Variants in AOC1 observed in about 807,000 individuals in gnomAD.
AOC1 encodes amine oxidase copper containing 1.
Under a neutral mutation model 57.1 loss-of-function variants are expected in AOC1, and 58 were observed. The ratio of observed to expected loss-of-function variants is 1.02; its 90% CI spans 0.82 to 1.26. The LOEUF is 1.26. Among genes scored for constraint, AOC1 ranks in the 50% most tolerant of loss-of-function variants. AOC1 has a pLI of 0.00. For synonymous variants in AOC1, 401 were observed against 423.4 expected (o/e 0.95, Z 0.65); for missense variants, 917 against 1,005.3 (o/e 0.91, Z 1.19).
intron 1 of AOC1, among the ~76,000 whole-genome samples, chr7:150,853,359 T>C (rs1277617005): frequency 6.6e-6 from 1 of 152,010 alleles, no homozygotes; most frequent in Non-Finnish European, 1.5e-5. Context: ...GGGCTGTGAG[T>C]ATACAGAAAC....
At chr7:150,854,426 A>G (rs1799713881) in intron 1 of AOC1, among the ~76,000 whole-genome samples, 1 of 152,236 alleles carries the variant, frequency 6.6e-6, no homozygotes, top group Non-Finnish European at 1.5e-5. Flanking sequence ...TCATTTGTCT[A>G]TGAATCAAGA....
chr7:150,855,861 C>CCTCAA (rs1348522696), intron 1 of AOC1, among the ~76,000 whole-genome samples: 1 of 151,404 alleles, frequency 6.6e-6, no homozygotes, highest in Non-Finnish European at 1.5e-5. Context: ...GCACTGTTGT[C>CCTCAA]ATTATTTTCA....
In AOC1 at chr7:150,852,877, G is replaced by A. The variant is rs1799661964; in HGVS notation, c.-17+319G>A. On this transcript the variant is annotated intron_variant, in intron 1 of 4. Coordinates refer to ENST00000360937, the MANE Select transcript of AOC1 (RefSeq NM_001091.4). This position sits in a 1 kb window ranked among gnomAD's most constrained non-coding sequence, Gnocchi z 4.6. ...ACATGGGGACAGAGGTTTGTCCTGG[G>A]GAAAGCAAAGGTCTCTTCCACATCT... 6.6e-6 allele frequency among the ~76,000 whole-genome samples: 1 copy of A among 152,124 alleles called. No individual in the cohort carries two copies. Among genetic ancestry groups the A allele is most frequent in the African/African-American group, 2.4e-5 (1 of 41,414 alleles).
At chr7:150,855,092 A>G (rs1436918893) in intron 1 of AOC1, among the ~76,000 whole-genome samples, 2 of 152,176 alleles carry the variant, frequency 1.3e-5, no homozygotes, top group Non-Finnish European at 2.9e-5. Flanking sequence ...CACCTTATAA[A>G]TCAAGTGTCT....
chr7:150,860,532 T>C lies in AOC1; in HGVS notation c.1888T>C (p.Ser630Pro). ...CCTGGCAGTGACCAAGTACCGGGAGTCGGAGCTGTGCAGCAGCAGCATCTA... is the reference window on the plus strand; with the variant it reads ...CCTGGCAGTGACCAAGTACCGGGAGCCGGAGCTGTGCAGCAGCAGCATCTA... Reference protein sequence around the residue: ...YPLAVTKYRESELCSSSIYHQ... With the variant: ...YPLAVTKYREPELCSSSIYHQ... Residue 630 changes from serine to proline, a missense_variant, in exon 4 of 5, where the codon TCG becomes CCG. Physicochemically the swap from Ser to Pro is moderately conservative, Grantham distance 74. Coordinates refer to ENST00000360937, the MANE Select transcript of AOC1 (RefSeq NM_001091.4). The C allele has an allele frequency of 6.2e-7, 1 of 1,613,682 alleles. No homozygotes were observed. The highest frequency in any genetic ancestry group is 8.5e-7 in the Non-Finnish European group (1 of 1,179,854).
intron 1 of AOC1, chr7:150,853,887 T>C (rs534777325): frequency 2.0e-5 from 3 of 151,716 alleles, no homozygotes; most frequent in Non-Finnish European, 2.9e-5. Context: ...CCGGGCATGG[T>C]GGTGCACACC....
intron 1 of AOC1, among the ~76,000 whole-genome samples, chr7:150,853,203 C>T (rs752654050): frequency 3.3e-5 from 5 of 152,110 alleles, no homozygotes; most frequent in East Asian, 1.9e-4. Flanking sequence ...TGTCATTGTC[C>T]GTTTGTCCAA....
In AOC1 at chr7:150,856,496, C is replaced by G; in HGVS notation, c.26C>G (p.Ala9Gly). Residue 9 changes from alanine to glycine, a missense_variant, in exon 2 of 5, where the codon GCT becomes GGT. Physicochemically the swap from Ala to Gly is moderately conservative, Grantham distance 60. Transcript: ENST00000360937. The surrounding 1 kb of genome is among the most constrained non-coding windows in gnomAD (Gnocchi z 5.2). MPALGWAV[A>G]AILMLQTAMA... ...ATGCCGGCCCTGGGCTGGGCCGTGGCTGCCATCCTGATGCTGCAGACGGCC... is the reference window on the plus strand; with the variant it reads ...ATGCCGGCCCTGGGCTGGGCCGTGGGTGCCATCCTGATGCTGCAGACGGCC... 8 of 1,613,768 alleles carry G rather than the reference C, an allele frequency of 5.0e-6. No homozygotes were observed. Among genetic ancestry groups the G allele is most frequent in the Non-Finnish European group, 6.8e-6 (8 of 1,179,866 alleles).
rs1330106313 is a variant in AOC1, at chr7:150,856,771, A to G, written c.301A>G (p.Ile101Val). 27 of 1,614,132 alleles carry G rather than the reference A, an allele frequency of 1.7e-5. No individual in the cohort carries two copies. The highest frequency in any genetic ancestry group is 1.9e-5 in the Non-Finnish European group (22 of 1,179,986). The change falls in exon 2 of 5, where the codon ATC (isoleucine) becomes GTC (valine). Residue 101 changes from isoleucine (I) to valine (V), a missense_variant. By Grantham distance (29) the Ile-to-Val change is conservative (BLOSUM62 3). Transcript: ENST00000360937. This position sits in a 1 kb window ranked among gnomAD's most constrained non-coding sequence, Gnocchi z 5.2. ...TCCTGTGCGGGAAGCCCGTGCCGTC[A>G]TCTTCTTTGGTGACCAGGAGCATCC... ...RHPVREARAV[I>V]FFGDQEHPNV...
rs1799950529 is a variant in AOC1 at position 150,860,931 on chromosome 7, T to A, written c.1990-12T>A. ...CAGCCCTGCCCACTGAAGCCCACCCTGTCTCCTGCAGGACCTGGTGGCCTG... is the reference window on the plus strand; with the variant it reads ...CAGCCCTGCCCACTGAAGCCCACCCAGTCTCCTGCAGGACCTGGTGGCCTG... On this transcript the variant is annotated splice_polypyrimidine_tract_variant and intron_variant, in intron 4 of 4. Coordinates refer to ENST00000360937, the MANE Select transcript of AOC1 (RefSeq NM_001091.4). The A allele has an allele frequency of 6.2e-7, 1 of 1,607,582 alleles. No individual in the cohort carries two copies. The highest frequency in any genetic ancestry group is 8.5e-7 in the Non-Finnish European group (1 of 1,177,630).
rs746231288 is a variant in AOC1, at chr7:150,856,458, C to G, written c.-13C>G. 1 of 1,607,282 alleles carries G rather than the reference C, an allele frequency of 6.2e-7. No individual in the cohort carries two copies. The highest frequency in any genetic ancestry group is 8.5e-7 in the Non-Finnish European group (1 of 1,177,414). ...CATCTCCTCTATTGCATTCCAGAGC[C>G]GTGGAGCGAGAGATGCCGGCCCTGG... On this transcript the variant is annotated 5_prime_UTR_variant, in exon 2 of 5. Transcript: ENST00000360937. This position sits in a 1 kb window ranked among gnomAD's most constrained non-coding sequence, Gnocchi z 5.2.
chr7:150,853,681 A>G (rs1484576147), intron 1 of AOC1, among the ~76,000 whole-genome samples: 1 of 72,262 alleles, frequency 1.4e-5, no homozygotes, highest in Admixed American at 1.1e-4. Context: ...ATATATATAT[A>G]TATATATATA....
At chr7:150,855,397 A>G (rs1266135924) in intron 1 of AOC1, among the ~76,000 whole-genome samples, 1 of 152,192 alleles carries the variant, frequency 6.6e-6, no homozygotes, top group East Asian at 1.9e-4. Context: ...CACACAGCAC[A>G]TGGGAAGACA....
Position 150,857,702 on chromosome 7 carries a change from A to G in AOC1, c.1232A>G (p.His411Arg), listed in dbSNP as rs940835005. 2 of 1,614,080 alleles carry G rather than the reference A, an allele frequency of 1.2e-6. No individual in the cohort carries two copies. Among genetic ancestry groups the G allele is most frequent in the Non-Finnish European group, 1.7e-6 (2 of 1,179,976 alleles). Residue 411 changes from histidine to arginine, a missense_variant, in exon 2 of 5, where the codon CAT becomes CGT. Transcript: ENST00000360937. The surrounding 1 kb of genome is among the most constrained non-coding windows in gnomAD (Gnocchi z 6.6). ...TACTATGATGCCGATGACCCGGTCC[A>G]TTATCCCCGAGCCCTCTGCCTCTTT... Reference protein sequence around the residue: ...FHYYDADDPVHYPRALCLFEM... With the variant: ...FHYYDADDPVRYPRALCLFEM...
At chr7:150,858,187 T>G (rs1799854202) in intron 2 of AOC1, 147 bp downstream of exon 2, 2 of 1,186,038 alleles carry the variant, frequency 1.7e-6, no homozygotes, top group African/African-American at 3.1e-5. Flanking sequence ...AGCTAGAAAT[T>G]TGTGTGTCCC....
intron 1 of AOC1, among the ~76,000 whole-genome samples, chr7:150,854,447 G>A (rs146898741): frequency 9.2e-5 from 14 of 152,322 alleles, no homozygotes; most frequent in Non-Finnish European, 1.6e-4. Flanking sequence ...ACTGCCCATC[G>A]TGTACAAATT....
rs1799966660 is a variant in AOC1, at chr7:150,861,417, CAG to C, written c.*210_*211del. ...ACACACACACAGACGTGCACACACA[CAG>C]ACGTGCACGCACTCACACGGACATG... On this transcript the variant is annotated 3_prime_UTR_variant, in exon 5 of 5. Transcript: ENST00000360937. The surrounding 1 kb of genome is among the most constrained non-coding windows in gnomAD (Gnocchi z 4.5). 1 of 545,860 alleles carries C rather than the reference CAG, an allele frequency of 1.8e-6. No homozygotes were observed. The highest frequency in any genetic ancestry group is 3.1e-6 in the Non-Finnish European group (1 of 319,164). 33.8% of individuals were successfully genotyped at this position (545,860 alleles called of 1,614,324 possible). A position where few individuals can be genotyped will look rare whatever the true frequency, so the allele number is the denominator to read the frequency against.
Position 150,857,005 on chromosome 7 carries a change from G to A in AOC1, c.535G>A (p.Asp179Asn), listed in dbSNP as rs755985991. 5 of 1,614,078 alleles carry A rather than the reference G, an allele frequency of 3.1e-6. No individual in the cohort carries two copies. The highest frequency in any genetic ancestry group is 3.4e-6 in the Non-Finnish European group (4 of 1,180,016). Residue 179 changes from aspartate (D) to asparagine (N), a missense_variant, in exon 2 of 5, where the codon GAC (aspartate) becomes AAC (asparagine). Asp to Asn is a conservative substitution (Grantham distance 23). Transcript: ENST00000360937. The surrounding 1 kb of genome is among the most constrained non-coding windows in gnomAD (Gnocchi z 6.6). Reference protein sequence around the residue: ...TTGFSFQDCHDRCLAFTDVAP... With the variant: ...TTGFSFQDCHNRCLAFTDVAP... ...AGGCTTCTCATTCCAAGACTGCCAT[G>A]ACAGATGCCTGGCCTTCACCGATGT...
Position 150,860,479 on chromosome 7 carries a change from C to T in AOC1, c.1857-22C>T, listed in dbSNP as rs1386624519. The T allele has an allele frequency of 1.4e-5, 22 of 1,613,652 alleles. 1 individual carries two copies. Among genetic ancestry groups the T allele is most frequent in the Non-Finnish European group, 1.8e-5 (21 of 1,179,874 alleles). Reference sequence around the variant, plus strand: ...GGCCAGCCCAGGGCCCTGAGCCAAGCTGCTTCGCCTGTGCCTGGCAGGTAC... The same window carrying T: ...GGCCAGCCCAGGGCCCTGAGCCAAGTTGCTTCGCCTGTGCCTGGCAGGTAC... On this transcript the variant is annotated intron_variant, in intron 3 of 4. Coordinates refer to ENST00000360937, the MANE Select transcript of AOC1 (RefSeq NM_001091.4).
Sources: gnomAD v4.1 joint callset for allele counts (sites outside exome capture counted in the v4.1 genomes callset) on GRCh38, gnomAD v4.1.1 for gene constraint, Gnocchi (gnomAD v3.1) non-coding constraint, MANE v1.5 for transcripts, NCBI Gene and HGNC (gene_info 2026-07-23, HGNC 2026-07-21) for gene names.